The following VPS4B variants were observed in gnomAD, a reference collection of about 807,000 sequenced individuals.
The protein encoded by VPS4B is vacuolar protein sorting 4 homolog B, also known as vacuolar protein sorting-associated protein 4B.
In VPS4B, 23 loss-of-function variants were observed where a neutral mutation model predicts 56.1. The observed-to-expected ratio is 0.41, with a 90% CI of 0.30 to 0.58. The LOEUF (loss-of-function observed/expected upper bound fraction) is 0.58, where lower values mean the gene tolerates loss of function less well. Among genes scored for constraint, VPS4B ranks in the 20% least tolerant of loss-of-function variants. The pLI is 0.29. For missense variants in VPS4B, 372 were observed against 531.9 expected (o/e 0.70, Z 2.96); for synonymous variants, 177 against 186.0 (o/e 0.95, Z 0.39).
intron 8 of VPS4B, among the ~76,000 whole-genome samples, chr18:63,398,204 CATATATATAT>C (rs200905713): frequency 1.8e-5 from 2 of 112,446 alleles, no homozygotes; most frequent in Admixed American, 9.5e-5. Flanking sequence ...CACACACACA[CATATATATAT>C]ATATATATAT....
chr18:63,408,323 T>C (rs1915961770), intron 3 of VPS4B, among the ~76,000 whole-genome samples: 1 of 152,212 alleles, frequency 6.6e-6, no homozygotes, highest in South Asian at 2.1e-4. Context: ...ACATGTTTTA[T>C]GCCAAAATGG....
At position 63,400,708 on chromosome 18, in the gene VPS4B, A is replaced by C. The variant is rs1915790414; in HGVS notation, c.485-5T>G. On this transcript the variant is annotated splice_region_variant and splice_polypyrimidine_tract_variant and intron_variant, in intron 5 of 10. Transcript: ENST00000238497. Reference sequence around the variant, plus strand: ...CCCTCCAAGGTGTTCTCTTGCCTAAAATTTAGATTTAGAAAAATGTCATGA... The same window carrying C: ...CCCTCCAAGGTGTTCTCTTGCCTAACATTTAGATTTAGAAAAATGTCATGA... The C allele has an allele frequency of 1.3e-6, 2 of 1,595,334 alleles. No individual in the cohort carries two copies. Among genetic ancestry groups the C allele is most frequent in the South Asian group, 2.3e-5 (2 of 86,714 alleles).
At chr18:63,400,905 A>C (rs28572172) in intron 5 of VPS4B, among the ~76,000 whole-genome samples, 2,526 of 152,352 alleles carry the variant, frequency 0.017, 64 homozygotes, top group African/African-American at 0.058. Context: ...CTTGCATAAC[A>C]TAAGCCTTCT....
intron 4 of VPS4B, among the ~76,000 whole-genome samples, chr18:63,405,835 A>C (rs1315399411): frequency 6.6e-6 from 1 of 151,696 alleles, no homozygotes; most frequent in African/African-American, 2.4e-5. Flanking sequence ...AAAAAAAAAA[A>C]CTTAGCCGGG....
chr18:63,420,063 C>T (rs1916259679), intron 1 of VPS4B, among the ~76,000 whole-genome samples: 1 of 152,192 alleles, frequency 6.6e-6, no homozygotes, highest in African/African-American at 2.4e-5. Context: ...AATTCAAGAT[C>T]CTTCCTGCTT....
chr18:63,406,985 G>C (rs1313976691), intron 4 of VPS4B, among the ~76,000 whole-genome samples: 3 of 152,212 alleles, frequency 2.0e-5, no homozygotes, highest in Admixed American at 6.5e-5. Flanking sequence ...CAGGAACACT[G>C]AAAAGCAGAT....
intron 4 of VPS4B, among the ~76,000 whole-genome samples, chr18:63,405,564 A>G (rs1486871452): frequency 6.6e-6 from 1 of 152,068 alleles, no homozygotes; most frequent in Non-Finnish European, 1.5e-5. Flanking sequence ...CCTCATTTAA[A>G]TGTTTTAAGT....
intron 4 of VPS4B, 68 bp from the exon 5 acceptor site, chr18:63,403,894 A>G (rs1915863368): frequency 6.6e-7 from 1 of 1,515,178 alleles, no homozygotes; most frequent in Non-Finnish European, 8.9e-7. Flanking sequence ...ACAACATGAA[A>G]TAATGATGTT....
At position 63,397,199 on chromosome 18, in the gene VPS4B, C is replaced by T. The variant is rs1275420534; in HGVS notation, c.927G>A (p.Met309Ile). Residue 309 changes from methionine (M) to isoleucine (I), a missense_variant, in exon 9 of 11, where the codon ATG becomes ATA. Physicochemically the swap from Met to Ile is conservative, Grantham distance 10. Around this residue, in one of 3 missense-constraint regions of VPS4B, gnomAD observed 153 missense variants for 190.9 expected, o/e 0.80. Transcript: ENST00000238497. ...PLPEPHARAAMFKLHLGTTQN... is the reference protein window; with the variant it reads ...PLPEPHARAAIFKLHLGTTQN... ...GAGTGGTCCCTAGGTGCAGTTTAAA[C>T]ATTGCTGCTCGGGCATGGGGTTCCG... 5 of 1,613,980 alleles carry T rather than the reference C, an allele frequency of 3.1e-6. No homozygotes were observed. The South Asian group carries it at 4.4e-5, about 14-fold the overall frequency.
At chr18:63,394,022 C>T (rs1355788803) in intron 9 of VPS4B, among the ~76,000 whole-genome samples, 2 of 152,168 alleles carry the variant, frequency 1.3e-5, no homozygotes, top group East Asian at 3.9e-4. Flanking sequence ...CAGGTGTGAG[C>T]GACTGCACCC....
intron 4 of VPS4B, among the ~76,000 whole-genome samples, 158 bp from the exon 5 acceptor site, chr18:63,403,984 AG>A (rs1259715397): frequency 1.3e-5 from 2 of 152,214 alleles, no homozygotes; most frequent in Non-Finnish European, 2.9e-5. Context: ...AGCAGGTGTT[AG>A]GGAGTAGTCA....
chr18:63,412,331 C>T (rs943707142), intron 1 of VPS4B, among the ~76,000 whole-genome samples: 1 of 152,110 alleles, frequency 6.6e-6, no homozygotes, highest in African/African-American at 2.4e-5. Context: ...AAAAGCAGCA[C>T]AGGAAAAAGA....
intron 9 of VPS4B, among the ~76,000 whole-genome samples, chr18:63,396,150 C>T (rs1915663368): frequency 6.6e-6 from 1 of 152,098 alleles, no homozygotes; most frequent in Admixed American, 6.6e-5. Context: ...CAGAAGCAGC[C>T]TTACATCTGT....
At position 63,390,981 on chromosome 18, in the gene VPS4B, T is replaced by A; in HGVS notation, c.1329A>T (p.Glu443Asp). The A allele has an allele frequency of 6.2e-7, 1 of 1,609,280 alleles. No individual in the cohort carries two copies. The highest frequency in any genetic ancestry group is 1.3e-5 in the African/African-American group (1 of 74,944). The change falls in exon 11 of 11, where the codon GAA becomes GAT. Residue 443 changes from glutamate to aspartate, a missense_variant. By Grantham distance (45) the Glu-to-Asp change is conservative (BLOSUM62 2). Coordinates refer to ENST00000238497, the MANE Select transcript of VPS4B (RefSeq NM_004869.4). The stretch of plus-strand genomic sequence containing the variant: ...CATCTTCCTTGTCTTTGGCTTAGCC[T>A]TCTTGACCAAAATCTTCTGTAAACT... ...LKKFTEDFGQ[E>D]G is the part of the protein sequence containing the mutation.
rs552926864 is a variant in VPS4B at position 63,403,139 on chromosome 18, G to A, written c.484+568C>T. Reference sequence around the variant, plus strand: ...ATGTCCTTTTGCTACTAGAGGTTATGCACTTCCTCTGAAACTGTTAAGTGA... The same window carrying A: ...ATGTCCTTTTGCTACTAGAGGTTATACACTTCCTCTGAAACTGTTAAGTGA... On this transcript the variant is annotated intron_variant, in intron 5 of 10. Transcript: ENST00000238497. Among the ~76,000 whole-genome samples the A allele has an allele frequency of 3.9e-5, 6 of 152,320 alleles. No homozygotes were observed. The East Asian group carries it at 9.6e-4, about 24-fold the overall frequency.
Position 63,397,184 on chromosome 18 carries a change from T to C in VPS4B, c.942A>G (p.Leu314=), listed in dbSNP as rs1915690785. The change falls in exon 9 of 11, where the codon CTA becomes CTG. Residue 314 remains leucine, a synonymous_variant. Transcript: ENST00000238497. The part of the protein sequence containing the change: ...HARAAMFKLH[L]GTTQNSLTEA... ...CCGTGAGACTGTTCTGAGTGGTCCC[T>C]AGGTGCAGTTTAAACATTGCTGCTC... The C allele has an allele frequency of 7.4e-6, 12 of 1,614,148 alleles. No individual in the cohort carries two copies. Among genetic ancestry groups the C allele is most frequent in the Non-Finnish European group, 1.0e-5 (12 of 1,180,018 alleles).
chr18:63,400,460 T>A, intron 6 of VPS4B, 87 bp downstream of exon 6: 3 of 1,368,594 alleles, frequency 2.2e-6, no homozygotes, highest in Non-Finnish European at 3.0e-6. Flanking sequence ...TCTCTGAATA[T>A]CTATAAGTGA....
chr18:63,411,384 C>T, intron 2 of VPS4B, 83 bp downstream of exon 2: 1 of 958,754 alleles, frequency 1.0e-6, no homozygotes, highest in Non-Finnish European at 1.4e-6. Flanking sequence ...AATTGTCTGG[C>T]ATTATATTTC....
intron 1 of VPS4B, among the ~76,000 whole-genome samples, chr18:63,420,342 G>C (rs2144443639): frequency 6.6e-6 from 1 of 152,270 alleles, no homozygotes; most frequent in Non-Finnish European, 1.5e-5. Flanking sequence ...CAGCTACTCG[G>C]GAGGCTGAGG....
Sources: allele counts gnomAD v4.1 joint callset (sites outside exome capture counted in the v4.1 genomes callset), GRCh38; gene constraint gnomAD v4.1.1; regional missense constraint gnomAD v4.1.1; transcripts MANE v1.5; gene names NCBI Gene and HGNC (gene_info 2026-07-23, HGNC 2026-07-21).